Variants in HS6ST2 observed in about 807,000 individuals in gnomAD.
The protein encoded by HS6ST2 is heparan sulfate 6-O-sulfotransferase 2, also known as heparan-sulfate 6-O-sulfotransferase 2.
Under a neutral mutation model 33.0 loss-of-function variants are expected in HS6ST2, and 17 were observed. The observed-to-expected ratio is 0.52, with a 90% CI of 0.35 to 0.77. The LOEUF (loss-of-function observed/expected upper bound fraction) is 0.77. Among genes scored for constraint, HS6ST2 ranks in the 30% least tolerant of loss-of-function variants. HS6ST2 has a pLI of 0.01. For missense variants in HS6ST2, 519 were observed against 551.7 expected, an observed-to-expected ratio of 0.94 and a Z score of 0.59; for synonymous variants, 248 against 237.1, an observed-to-expected ratio of 1.05 and a Z score of -0.42.
At chrX:132,717,351 T>C (rs1478577712) in intron 2 of HS6ST2, among the ~76,000 whole-genome samples, 1 of 112,786 alleles carries the variant, frequency 8.9e-6, no homozygotes, top group Admixed American at 9.4e-5. Context: ...TCTCCTACTT[T>C]TCATTGGTCA....
intron 2 of HS6ST2, among the ~76,000 whole-genome samples, chrX:132,802,578 GACTC>G (rs1172907490): frequency 9.0e-6 from 1 of 111,116 alleles, no homozygotes; most frequent in African/African-American, 3.3e-5. Context: ...CCTAGAAGAT[GACTC>G]GTGGCTAAAC....
Position 132,747,193 on chromosome X carries a change from C to T in HS6ST2, c.948-38699G>A, listed in dbSNP as rs991165446. ...CAGTCTTGGAAATCAGGAAATGCTC[C>T]CTGGAGGAGGTGATGCATGAACTGT... On this transcript the variant is annotated intron_variant, in intron 2 of 4. Coordinates refer to ENST00000370833, the MANE Select transcript of HS6ST2 (RefSeq NM_001394073.1). Among the ~76,000 whole-genome samples the T allele has an allele frequency of 3.6e-5, 4 of 111,499 alleles. No homozygotes were observed. The Middle Eastern group carries it at 0.014, about 387-fold the overall frequency.
chrX:132,917,969 A>G (rs1377225929), intron 2 of HS6ST2, among the ~76,000 whole-genome samples: 1 of 112,351 alleles, frequency 8.9e-6, no homozygotes, highest in African/African-American at 3.2e-5. Flanking sequence ...CCTCAACACA[A>G]GTCCAGGAGT....
At chrX:132,761,024 T>C (rs2064800886) in intron 2 of HS6ST2, among the ~76,000 whole-genome samples, 1 of 111,406 alleles carries the variant, frequency 9.0e-6, no homozygotes, top group African/African-American at 3.3e-5. Flanking sequence ...TTTTCTGGGA[T>C]AAGATATGGG....
chrX:132,855,634 A>G (rs751848669), intron 2 of HS6ST2, among the ~76,000 whole-genome samples: 1 of 111,873 alleles, frequency 8.9e-6, no homozygotes, highest in East Asian at 2.8e-4. Context: ...TTTCAGTAAC[A>G]TTAACAATAA....
chrX:132,787,996 G>T (rs1327697652), intron 2 of HS6ST2, among the ~76,000 whole-genome samples: 1 of 111,365 alleles, frequency 9.0e-6, no homozygotes, highest in East Asian at 2.8e-4. Context: ...TCTTTGTTTG[G>T]TTATGAAACT....
In HS6ST2 at chrX:132,875,234, G is replaced by A. The variant is rs756855240; in HGVS notation, c.947+81574C>T. On this transcript the variant is annotated intron_variant, in intron 2 of 4. Transcript: ENST00000370833. ...TTGATTGTCACAGCAGGCACCCAAG[G>A]TGTTTATGCATCCCCCAGAGTAAAG... Among the ~76,000 whole-genome samples the A allele has an allele frequency of 9.8e-5, 11 of 111,866 alleles. No homozygotes were observed. The South Asian group carries it at 4.1e-3, about 42-fold the overall frequency.
intron 2 of HS6ST2, among the ~76,000 whole-genome samples, chrX:132,756,946 C>T (rs1211151583): frequency 9.1e-6 from 1 of 109,997 alleles, no homozygotes; most frequent in Non-Finnish European, 1.9e-5. Context: ...ACAGGGAGAA[C>T]AGGAAAGATA....
At position 132,888,838 on chromosome X, in the gene HS6ST2, C is replaced by T. The variant is rs140537739; in HGVS notation, c.947+67970G>A. Among the ~76,000 whole-genome samples, 21 of 110,425 alleles carry T rather than the reference C, an allele frequency of 1.9e-4. No homozygotes were observed. In the East Asian group the frequency reaches 5.2e-3, roughly 27 times the overall value. On this transcript the variant is annotated intron_variant, in intron 2 of 4. Coordinates refer to ENST00000370833, the MANE Select transcript of HS6ST2 (RefSeq NM_001394073.1). ...AGATTTTATGGTATATAATTCATAC[C>T]TCAATAGAGCTGATGTGTATGTGCT...
chrX:132,793,048 CTTTTTTTTTTTTTTT>C (rs755535720), intron 2 of HS6ST2, among the ~76,000 whole-genome samples: 200 of 53,242 alleles, frequency 3.8e-3, no homozygotes, highest in African/African-American at 7.3e-3. Flanking sequence ...AAATAAACTC[CTTTTTTTTTTTTTTT>C]TTTTTTTTTT....
chrX:132,729,313 T>C (rs1331116277), intron 2 of HS6ST2, among the ~76,000 whole-genome samples: 1 of 112,083 alleles, frequency 8.9e-6, no homozygotes, highest in Non-Finnish European at 1.9e-5. Context: ...ACTGAGCTGC[T>C]TTAAATAAAG....
chrX:132,871,081 AAAAC>A (rs369562314), intron 2 of HS6ST2, among the ~76,000 whole-genome samples: 3 of 112,298 alleles, frequency 2.7e-5, no homozygotes, highest in South Asian at 3.7e-4. Flanking sequence ...TTACAAGAAA[AAAAC>A]AAACAACCCC....
chrX:132,942,945 T>C (rs1356086439), intron 2 of HS6ST2, among the ~76,000 whole-genome samples: 1 of 112,281 alleles, frequency 8.9e-6, no homozygotes, highest in East Asian at 2.8e-4. Flanking sequence ...TCCTCATTTT[T>C]CTTATTTGAA....
intron 2 of HS6ST2, among the ~76,000 whole-genome samples, chrX:132,845,147 A>G (rs2065740333): frequency 9.2e-6 from 1 of 109,157 alleles, no homozygotes; most frequent in Admixed American, 9.9e-5. Context: ...TACATTATAC[A>G]TATTGTGTAT....
chrX:132,885,321 G>A (rs2066237630), intron 2 of HS6ST2, among the ~76,000 whole-genome samples: 1 of 111,602 alleles, frequency 9.0e-6, no homozygotes, highest in Non-Finnish European at 1.9e-5. Flanking sequence ...GATGGTAGTT[G>A]TACATCTTTG....
At chrX:132,742,950 C>A (rs2064595712) in intron 2 of HS6ST2, among the ~76,000 whole-genome samples, 1 of 111,749 alleles carries the variant, frequency 8.9e-6, no homozygotes, top group Non-Finnish European at 1.9e-5. Flanking sequence ...ATAGGTGCAG[C>A]AGGTAGGGTT....
At chrX:132,781,770 T>A (rs1055832779) in intron 2 of HS6ST2, among the ~76,000 whole-genome samples, 3 of 111,668 alleles carry the variant, frequency 2.7e-5, no homozygotes, top group Non-Finnish European at 5.6e-5. Flanking sequence ...TCCGATCTCA[T>A]GAGAACTCAC....
chrX:132,958,450 G>A lies in HS6ST2; in HGVS notation c.153C>T (p.Arg51=), dbSNP rs764448811. The change falls in exon 1 of 5, where the codon CGC becomes CGT. Residue 51 remains arginine, a synonymous_variant. Coordinates refer to ENST00000370833, the MANE Select transcript of HS6ST2 (RefSeq NM_001394073.1). ...SRPGSVAASV[R]AGPPRGVSHG... Reference sequence around the variant, plus strand: ...GAGACACACCCCTAGGAGGGCCCGCGCGAACTGAGGCGGCGACCGACCCGG... The same window carrying A: ...GAGACACACCCCTAGGAGGGCCCGCACGAACTGAGGCGGCGACCGACCCGG... The A allele has an allele frequency of 5.8e-6, 7 of 1,197,142 alleles. No individual in the cohort carries two copies. Among genetic ancestry groups the A allele is most frequent in the Non-Finnish European group, 7.9e-6 (7 of 890,847 alleles).
intron 2 of HS6ST2, among the ~76,000 whole-genome samples, chrX:132,908,253 CAG>C (rs2066494103): frequency 8.9e-6 from 1 of 111,765 alleles, no homozygotes; most frequent in African/African-American, 3.3e-5. Context: ...TTGAAAAAGA[CAG>C]ATTATAACAA....
Sources: allele counts gnomAD v4.1 joint callset (sites outside exome capture counted in the v4.1 genomes callset), GRCh38; gene constraint gnomAD v4.1.1; transcripts MANE v1.5; gene names NCBI Gene and HGNC (gene_info 2026-07-23, HGNC 2026-07-21).